Variants in DNAJB6 observed in about 807,000 individuals in gnomAD.
The protein encoded by DNAJB6 is dnaJ homolog subfamily B member 6.
Under a neutral mutation model 42.7 loss-of-function variants are expected in DNAJB6, and 16 were observed. That is an observed-to-expected ratio of 0.37 (90% CI 0.25 to 0.57). The LOEUF (loss-of-function observed/expected upper bound fraction) is 0.57, where lower values mean the gene tolerates loss of function less well. DNAJB6 is among the 20% of genes least tolerant of loss of function. The pLI, the probability that DNAJB6 is intolerant of heterozygous loss-of-function variation, is 0.74. For missense variants in DNAJB6, 347 were observed against 416.8 expected (o/e 0.83, Z 1.46); for synonymous variants, 170 against 163.5 (o/e 1.04, Z -0.30).
chr7:157,386,424 T>C (rs1308243666), intron 8 of DNAJB6: 2 of 459,420 alleles, frequency 4.4e-6, no homozygotes, highest in Non-Finnish European at 5.7e-6. Flanking sequence ...CTCAGTTACA[T>C]GTAGACATTT....
chr7:157,398,930 A>G (rs1801721994), intron 8 of DNAJB6, among the ~76,000 whole-genome samples: 1 of 152,236 alleles, frequency 6.6e-6, no homozygotes, highest in Admixed American at 6.5e-5. Context: ...AATTAGTGGT[A>G]AATTTCCAAA....
intron 8 of DNAJB6, among the ~76,000 whole-genome samples, chr7:157,401,842 C>T (rs1284985213): frequency 1.3e-5 from 2 of 152,232 alleles, no homozygotes; most frequent in South Asian, 2.1e-4. Context: ...CGTCTCCACG[C>T]GCCCTTCCCA....
At chr7:157,381,757 T>TGTGC in intron 5 of DNAJB6, 1 of 152,540 alleles carries the variant, frequency 6.6e-6, no homozygotes. Context: ...TGTGTGTGTG[T>TGTGC]GTGTGTGTGT....
At chr7:157,351,793 G>T (rs1344937279) in intron 1 of DNAJB6, among the ~76,000 whole-genome samples, 1 of 150,278 alleles carries the variant, frequency 6.7e-6, no homozygotes, top group Non-Finnish European at 1.5e-5. Context: ...GTGAAACCCT[G>T]TGTCTACTTT....
intron 8 of DNAJB6, among the ~76,000 whole-genome samples, chr7:157,392,196 G>A (rs1801379787): frequency 1.3e-5 from 2 of 151,566 alleles, no homozygotes; most frequent in Non-Finnish European, 2.9e-5. Flanking sequence ...ACGCTTGCTA[G>A]TACTGTCTGT....
chr7:157,407,667 C>T (rs1348435585), intron 8 of DNAJB6, among the ~76,000 whole-genome samples: 2 of 152,142 alleles, frequency 1.3e-5, no homozygotes, highest in Non-Finnish European at 2.9e-5. Flanking sequence ...GCCCAGGGTG[C>T]ACAGGTGTCC....
At chr7:157,351,438 G>A (rs1233472343) in intron 1 of DNAJB6, among the ~76,000 whole-genome samples, 2 of 151,880 alleles carry the variant, frequency 1.3e-5, no homozygotes, top group African/African-American at 4.8e-5. Context: ...GACCATCCTG[G>A]CTGGCATGGT....
At chr7:157,410,235 C>G (rs1390181328) in intron 9 of DNAJB6, 2 of 1,009,292 alleles carry the variant, frequency 2.0e-6, no homozygotes, top group East Asian at 6.1e-5. Flanking sequence ...GTGTCCTGTA[C>G]GCAGCGTGTT....
intron 8 of DNAJB6, among the ~76,000 whole-genome samples, chr7:157,386,883 C>CAAAAA (rs112149325): frequency 3.1e-4 from 41 of 132,950 alleles, no homozygotes; most frequent in African/African-American, 1.1e-3. Context: ...GCCTTCATCT[C>CAAAAA]AAAAAAAAAA....
At chr7:157,338,494 C>T (rs896957920) in intron 1 of DNAJB6, among the ~76,000 whole-genome samples, 5 of 152,098 alleles carry the variant, frequency 3.3e-5, no homozygotes, top group Non-Finnish European at 7.4e-5. Flanking sequence ...CCACCATGTC[C>T]GACTAATTTT....
At chr7:157,376,934 A>G (rs1563133635) in intron 5 of DNAJB6, among the ~76,000 whole-genome samples, 1 of 152,194 alleles carries the variant, frequency 6.6e-6, no homozygotes, top group African/African-American at 2.4e-5. Context: ...AAGGCAGGAC[A>G]GCTCAAAGCA....
intron 8 of DNAJB6, among the ~76,000 whole-genome samples, chr7:157,387,295 C>T (rs780020556): frequency 5.3e-5 from 8 of 152,288 alleles, no homozygotes; most frequent in Middle Eastern, 6.8e-3. Flanking sequence ...TCTGTTGTGT[C>T]GGAAATAACC....
intron 1 of DNAJB6, among the ~76,000 whole-genome samples, chr7:157,342,690 C>T (rs1047752364): frequency 1.3e-5 from 2 of 151,848 alleles, no homozygotes; most frequent in African/African-American, 4.8e-5. Flanking sequence ...CTTGTGACCT[C>T]AATCCACCTT....
At chr7:157,377,431 C>T (rs560836314) in intron 5 of DNAJB6, among the ~76,000 whole-genome samples, 1 of 152,354 alleles carries the variant, frequency 6.6e-6, no homozygotes, top group South Asian at 2.1e-4. Flanking sequence ...TTTAAAGATG[C>T]TTCTGAAGAG....
intron 1 of DNAJB6, among the ~76,000 whole-genome samples, chr7:157,348,576 G>A (rs750026172): frequency 3.4e-4 from 51 of 151,918 alleles, no homozygotes; most frequent in Non-Finnish European, 4.7e-4. Context: ...TTTGATTCCC[G>A]CACATATCGT....
intron 1 of DNAJB6, among the ~76,000 whole-genome samples, chr7:157,341,319 T>C (rs1377077300): frequency 1.3e-5 from 2 of 151,658 alleles, no homozygotes; most frequent in Non-Finnish European, 1.5e-5. Context: ...GAGACGGGGG[T>C]TTCACCATCT....
intron 1 of DNAJB6, among the ~76,000 whole-genome samples, chr7:157,348,386 G>A (rs1330010689): frequency 1.3e-5 from 2 of 152,180 alleles, no homozygotes; most frequent in East Asian, 1.9e-4. Context: ...GAGCCACTGC[G>A]CCCAGTCTTA....
At chr7:157,377,026 GA>G (rs1159047120) in intron 5 of DNAJB6, among the ~76,000 whole-genome samples, 2 of 152,022 alleles carry the variant, frequency 1.3e-5, no homozygotes, top group Non-Finnish European at 2.9e-5. Flanking sequence ...TGGGATCATA[GA>G]AAAAAAATGT....
Position 157,366,551 on chromosome 7 carries a change from T to TGGA in DNAJB6, c.234_235+1dup. Reference sequence around the variant, plus strand: ...AATATGGCAAAGAAGGATTAAATGGTGGAGGAGGAGGTAAGTACGTGAGTT... The same window carrying TGGA: ...AATATGGCAAAGAAGGATTAAATGGTGGAGGAGGAGGAGGTAAGTACGTGAGTT... On this transcript the variant is annotated inframe_insertion, in exon 4 of 10. Transcript: ENST00000262177. The TGGA allele has an allele frequency of 6.2e-7, 1 of 1,613,816 alleles. No individual in the cohort carries two copies. Among genetic ancestry groups the TGGA allele is most frequent in the South Asian group, 1.1e-5 (1 of 91,046 alleles).
Sources: allele counts gnomAD v4.1 joint callset (sites outside exome capture counted in the v4.1 genomes callset), GRCh38; gene constraint gnomAD v4.1.1; transcripts MANE v1.5; gene names NCBI Gene and HGNC (gene_info 2026-07-23, HGNC 2026-07-21).